Variants in WWOX observed in about 807,000 individuals in gnomAD.
The protein encoded by WWOX is WW domain containing oxidoreductase.
A neutral mutation model predicts 46.2 loss-of-function variants in WWOX; 69 were observed. The ratio of observed to expected loss-of-function variants is 1.49; its 90% CI spans 1.23 to 1.82. The LOEUF (loss-of-function observed/expected upper bound fraction) is 1.82, where lower values mean the gene tolerates loss of function less well. Ranked by LOEUF, WWOX falls within the 40% of genes most tolerant of loss-of-function variation. WWOX has a pLI of 0.00. For synonymous variants in WWOX, 359 were observed against 202.6 expected (o/e 1.77, Z -6.56); for missense variants, 919 against 542.6 (o/e 1.69, Z -6.89).
chr16:79,018,044 C>CA (rs2047452777), intron 8 of WWOX, among the ~76,000 whole-genome samples: 1 of 151,848 alleles, frequency 6.6e-6, no homozygotes. Context: ...GTAGTCAAGG[C>CA]AAAAAAGGGA....
At chr16:78,437,474 A>T (rs992749636) in intron 8 of WWOX, among the ~76,000 whole-genome samples, 1 of 152,134 alleles carries the variant, frequency 6.6e-6, no homozygotes. Flanking sequence ...TAATTTTTCC[A>T]TTTTGGCTGC....
intron 8 of WWOX, among the ~76,000 whole-genome samples, chr16:78,590,238 A>C (rs1397361352): frequency 1.3e-5 from 2 of 152,210 alleles, no homozygotes; most frequent in Non-Finnish European, 2.9e-5. Context: ...GGAAAATTCA[A>C]GATCAAGATG....
At chr16:78,422,371 G>C (rs1460576961) in intron 6 of WWOX, among the ~76,000 whole-genome samples, 1 of 150,518 alleles carries the variant, frequency 6.6e-6, no homozygotes, top group Non-Finnish European at 1.5e-5. Context: ...TTTTTGATTT[G>C]GAAACAGAGT....
rs1018701171 is a variant in WWOX, at chr16:78,642,072, G to T, written c.1056+209320G>T. ...ACTTAAATACTCCAGTACATTGAGT[G>T]TGACATGCCTGTGTAGGAGACTGTC... is the stretch of plus-strand genomic sequence containing the variant. On this transcript the variant is annotated intron_variant, in intron 8 of 8. Transcript: ENST00000566780. Among the ~76,000 whole-genome samples, 14 of 152,320 alleles carry T rather than the reference G, an allele frequency of 9.2e-5. No individual in the cohort carries two copies. In the East Asian group the frequency reaches 2.5e-3, roughly 27 times the overall value.
At chr16:78,900,190 C>A (rs971993226) in intron 8 of WWOX, among the ~76,000 whole-genome samples, 3 of 150,942 alleles carry the variant, frequency 2.0e-5, no homozygotes, top group Admixed American at 2.0e-4. Flanking sequence ...AGGGTGTAAA[C>A]CTTCATGCAG....
intron 8 of WWOX, among the ~76,000 whole-genome samples, chr16:79,175,623 G>T (rs781367794): frequency 5.3e-5 from 8 of 152,198 alleles, no homozygotes; most frequent in East Asian, 1.9e-4. Flanking sequence ...TCCATGGACT[G>T]TGTCTAACTC....
At chr16:78,207,214 G>C (rs2151783188) in intron 5 of WWOX, among the ~76,000 whole-genome samples, 1 of 152,210 alleles carries the variant, frequency 6.6e-6, no homozygotes, top group Middle Eastern at 3.4e-3. Flanking sequence ...CTCTATCCCA[G>C]GCAGATGCCA....
chr16:79,034,028 G>T (rs1567503173), intron 8 of WWOX, among the ~76,000 whole-genome samples: 2 of 152,194 alleles, frequency 1.3e-5, no homozygotes, highest in Admixed American at 6.5e-5. Flanking sequence ...ATGTCAGGAA[G>T]CACAGGCTAT....
At chr16:78,576,652 G>C (rs1472564775) in intron 8 of WWOX, among the ~76,000 whole-genome samples, 2 of 152,160 alleles carry the variant, frequency 1.3e-5, no homozygotes, top group Non-Finnish European at 2.9e-5. Flanking sequence ...GGGCACTATA[G>C]TGAGACCCTG....
chr16:78,541,610 A>G (rs1473031456), intron 8 of WWOX, among the ~76,000 whole-genome samples: 1 of 151,976 alleles, frequency 6.6e-6, no homozygotes, highest in East Asian at 1.9e-4. Flanking sequence ...AGTTAAGTTA[A>G]TGAACTTGGC....
chr16:78,833,890 A>G (rs2051901778), intron 8 of WWOX, among the ~76,000 whole-genome samples: 1 of 152,248 alleles, frequency 6.6e-6, no homozygotes, highest in South Asian at 2.1e-4. Context: ...CCATACAGGC[A>G]CTTTGTCTCC....
At chr16:78,762,686 A>G (rs1274983977) in intron 8 of WWOX, among the ~76,000 whole-genome samples, 1 of 152,188 alleles carries the variant, frequency 6.6e-6, no homozygotes, top group African/African-American at 2.4e-5. Context: ...GCAGGAATCC[A>G]CTGTGGCTGA....
At chr16:78,455,124 G>A (rs1274115753) in intron 8 of WWOX, among the ~76,000 whole-genome samples, 1 of 152,298 alleles carries the variant, frequency 6.6e-6, no homozygotes, top group East Asian at 1.9e-4. Context: ...TGGCTTTTCT[G>A]TCTTGAGGAT....
intron 5 of WWOX, among the ~76,000 whole-genome samples, chr16:78,337,289 A>G (rs2080914672): frequency 6.6e-6 from 1 of 152,112 alleles, no homozygotes; most frequent in African/African-American, 2.4e-5. Context: ...TTCCTTTATA[A>G]GTACAGTTGT....
chr16:78,250,243 G>A (rs115860977), intron 5 of WWOX, among the ~76,000 whole-genome samples: 61 of 152,304 alleles, frequency 4.0e-4, no homozygotes, highest in African/African-American at 1.4e-3. Context: ...GCACATTAGC[G>A]AGAGCTCCGG....
At chr16:78,733,682 G>T (rs946913576) in intron 8 of WWOX, among the ~76,000 whole-genome samples, 1 of 152,006 alleles carries the variant, frequency 6.6e-6, no homozygotes, top group East Asian at 1.9e-4. Flanking sequence ...TTGAACTTGG[G>T]AGGTGGAGGT....
intron 8 of WWOX, among the ~76,000 whole-genome samples, chr16:78,830,660 G>A (rs1430164571): frequency 1.3e-5 from 2 of 151,784 alleles, no homozygotes; most frequent in African/African-American, 4.8e-5. Flanking sequence ...CAAAATTTCT[G>A]CAGCACCGAT....
chr16:78,565,528 C>T (rs1245086550), intron 8 of WWOX, among the ~76,000 whole-genome samples: 2 of 152,212 alleles, frequency 1.3e-5, no homozygotes, highest in Non-Finnish European at 2.9e-5. Context: ...TGGCCACTCT[C>T]TTATAAGGAC....
intron 8 of WWOX, among the ~76,000 whole-genome samples, chr16:79,045,993 G>C (rs2048059279): frequency 6.6e-6 from 1 of 151,706 alleles, no homozygotes; most frequent in African/African-American, 2.4e-5. Flanking sequence ...GTAGAGACGG[G>C]CTTTCACCAT....
Sources: allele counts gnomAD v4.1 joint callset (sites outside exome capture counted in the v4.1 genomes callset), GRCh38; gene constraint gnomAD v4.1.1; transcripts MANE v1.5; gene names NCBI Gene and HGNC (gene_info 2026-07-23, HGNC 2026-07-21).